Variants in STIM2 observed in about 807,000 individuals in gnomAD.
STIM2 encodes stromal interaction molecule 2.
In STIM2, 31 loss-of-function variants were observed where a neutral mutation model predicts 85.8. The observed-to-expected ratio is 0.36, with a 90% CI of 0.27 to 0.49. The LOEUF is 0.49. Ranked by LOEUF, STIM2 falls within the 20% of genes least tolerant of loss-of-function variation. STIM2 has a pLI of 0.98. For synonymous variants in STIM2, 356 were observed against 331.1 expected, an observed-to-expected ratio of 1.08 and a Z score of -0.82; for missense variants, 841 against 927.6, an observed-to-expected ratio of 0.91 and a Z score of 1.21.
chr4:26,964,604 T>C (rs1726638169), intron 3 of STIM2, among the ~76,000 whole-genome samples: 3 of 152,152 alleles, frequency 2.0e-5, no homozygotes, highest in African/African-American at 7.2e-5. Context: ...TTTCTCCCTG[T>C]GATTTTTGGA....
chr4:26,934,022 C>T (rs934424831), intron 2 of STIM2, among the ~76,000 whole-genome samples: 1 of 151,744 alleles, frequency 6.6e-6, no homozygotes, highest in Non-Finnish European at 1.5e-5. Context: ...GCTGAAACCT[C>T]GTCTCTACTA....
chr4:26,941,522 C>T (rs1223074309), intron 2 of STIM2, among the ~76,000 whole-genome samples: 3 of 151,988 alleles, frequency 2.0e-5, no homozygotes, highest in Middle Eastern at 3.2e-3. Context: ...CCTAATAAGC[C>T]AGTATTCCCT....
chr4:26,888,462 AAAAC>A (rs1723339543), intron 1 of STIM2, among the ~76,000 whole-genome samples: 1 of 152,262 alleles, frequency 6.6e-6, no homozygotes, highest in East Asian at 1.9e-4. Context: ...AAAGAGCAAG[AAAAC>A]AAAGATATTT....
chr4:26,911,202 A>T (rs866346114), intron 1 of STIM2, among the ~76,000 whole-genome samples: 3 of 151,970 alleles, frequency 2.0e-5, no homozygotes, highest in Non-Finnish European at 4.4e-5. Flanking sequence ...ATGCCACTGC[A>T]CTCTAGCCTG....
At chr4:26,978,028 G>A (rs1341849804) in intron 3 of STIM2, among the ~76,000 whole-genome samples, 2 of 152,078 alleles carry the variant, frequency 1.3e-5, no homozygotes, top group African/African-American at 4.8e-5. Flanking sequence ...TGGCAAAGTC[G>A]AAGTTAAGGT....
chr4:26,938,018 T>C (rs1248153538), intron 2 of STIM2, among the ~76,000 whole-genome samples: 1 of 141,154 alleles, frequency 7.1e-6, no homozygotes, highest in Non-Finnish European at 1.5e-5. Flanking sequence ...TAAATTTAAA[T>C]AGCTTAATAA....
chr4:26,891,549 A>G (rs1723480441), intron 1 of STIM2, among the ~76,000 whole-genome samples: 1 of 115,602 alleles, frequency 8.7e-6, no homozygotes, highest in African/African-American at 3.8e-5. Context: ...AGATATGTGT[A>G]TACATACATA....
At chr4:26,951,803 A>G (rs1726063574) in intron 2 of STIM2, among the ~76,000 whole-genome samples, 2 of 152,116 alleles carry the variant, frequency 1.3e-5, no homozygotes, top group South Asian at 4.1e-4. Flanking sequence ...TGTAATGGTG[A>G]TTGGATATAA....
Position 27,002,347 on chromosome 4 carries a change from A to C in STIM2, c.756A>C (p.Leu252Phe). ...ATGTTGCAAAAATGATGAAAGATTT[A>C]GAGAGCTTACAAACTGCAGAGCAAA... Residue 252 changes from leucine to phenylalanine, a missense_variant, in exon 6 of 12, where the codon TTA (leucine) becomes TTC (phenylalanine). Coordinates refer to ENST00000467087, the MANE Select transcript of STIM2 (RefSeq NM_020860.4). 5 of 1,613,318 alleles carry C rather than the reference A, an allele frequency of 3.1e-6. No individual in the cohort carries two copies. The highest frequency in any genetic ancestry group is 4.2e-6 in the Non-Finnish European group (5 of 1,179,792).
intron 1 of STIM2, among the ~76,000 whole-genome samples, chr4:26,870,682 A>G (rs1428879214): frequency 1.3e-5 from 2 of 152,172 alleles, no homozygotes; most frequent in Non-Finnish European, 2.9e-5. Context: ...AGTGAGTCCC[A>G]TGTGCCAGAC....
chr4:26,892,824 C>A (rs531579740), intron 1 of STIM2, among the ~76,000 whole-genome samples: 4 of 152,238 alleles, frequency 2.6e-5, no homozygotes, highest in South Asian at 4.1e-4. Flanking sequence ...AAACAAACTA[C>A]TTCTGGCAGT....
At chr4:26,991,014 C>T (rs1037202296) in intron 3 of STIM2, among the ~76,000 whole-genome samples, 1 of 152,024 alleles carries the variant, frequency 6.6e-6, no homozygotes, top group Non-Finnish European at 1.5e-5. Flanking sequence ...TTAAGGAAAA[C>T]AGTATGGAGG....
intron 10 of STIM2, 110 bp from the exon 11 acceptor site, chr4:27,017,601 T>C: frequency 1.5e-6 from 2 of 1,346,568 alleles, no homozygotes; most frequent in Non-Finnish European, 2.1e-6. Context: ...TAAAGGGAGA[T>C]GAAACAGTGA....
chr4:26,894,178 C>G (rs1351345967), intron 1 of STIM2, among the ~76,000 whole-genome samples: 7 of 152,228 alleles, frequency 4.6e-5, no homozygotes, highest in Non-Finnish European at 2.9e-5. Flanking sequence ...TGAGCCACTG[C>G]ACCTGGCCTA....
rs28798369 is a variant in STIM2 at position 26,927,458 on chromosome 4, C to T, written c.282+7824C>T. Among the ~76,000 whole-genome samples the T allele has an allele frequency of 4.2e-3, 164 of 38,600 alleles. 1 individual carries two copies. The highest frequency in any genetic ancestry group is 0.015 in the African/African-American group (159 of 10,412). The allele number at this position is 38,600 out of a possible 152,430, so 25.3% of individuals were successfully genotyped here. A position where few individuals can be genotyped will look rare whatever the true frequency, so the allele number is the denominator to read the frequency against. On this transcript the variant is annotated intron_variant, in intron 2 of 11. Transcript: ENST00000467087. ...AAAAACCAAACACCGCATATTCTCA[C>T]TCATAGGTGGGAATTGAACAATGAG...
chr4:26,919,144 AAGG>A (rs1322169794), intron 1 of STIM2, among the ~76,000 whole-genome samples: 2 of 150,856 alleles, frequency 1.3e-5, no homozygotes, highest in African/African-American at 4.9e-5. Context: ...TTTTTAATGG[AAGG>A]AGATCATTTG....
intron 2 of STIM2, among the ~76,000 whole-genome samples, chr4:26,936,364 T>C (rs1472856897): frequency 6.6e-6 from 1 of 152,224 alleles, no homozygotes; most frequent in Non-Finnish European, 1.5e-5. Flanking sequence ...TAAGAGCTGA[T>C]CCTCCCAGAG....
At chr4:27,006,243 C>G (rs1728327453) in intron 7 of STIM2, among the ~76,000 whole-genome samples, 2 of 152,166 alleles carry the variant, frequency 1.3e-5, no homozygotes, top group South Asian at 2.1e-4. Flanking sequence ...ATTTTGGAAT[C>G]TTAAAATATA....
chr4:26,884,914 C>T (rs1338292724), intron 1 of STIM2, among the ~76,000 whole-genome samples: 1 of 152,192 alleles, frequency 6.6e-6, no homozygotes, highest in East Asian at 1.9e-4. Context: ...CAACAAGATT[C>T]ACATCCTTAA....
Sources: allele counts gnomAD v4.1 joint callset (sites outside exome capture counted in the v4.1 genomes callset), GRCh38; gene constraint gnomAD v4.1.1; transcripts MANE v1.5; gene names NCBI Gene and HGNC (gene_info 2026-07-23, HGNC 2026-07-21).